Variants in STON2 observed in about 807,000 individuals in gnomAD.
STON2 encodes stonin 2.
STON2 carries 29 observed loss-of-function variants against 65.7 expected under a neutral mutation model. That is an observed-to-expected ratio of 0.44 (90% CI 0.33 to 0.60). STON2 has a LOEUF of 0.60. Ranked by LOEUF, STON2 falls within the 20% of genes least tolerant of loss-of-function variation. The pLI, the probability that STON2 is intolerant of heterozygous loss-of-function variation, is 0.03. For synonymous variants in STON2, 404 were observed against 414.2 expected (o/e 0.98, Z 0.30); for missense variants, 1,054 against 1,118.1 (o/e 0.94, Z 0.82).
intron 2 of STON2, among the ~76,000 whole-genome samples, chr14:81,419,173 C>T (rs1437587274): frequency 6.6e-6 from 1 of 152,100 alleles, no homozygotes; most frequent in Admixed American, 6.5e-5. Flanking sequence ...TGAGTGCTTA[C>T]TCTATACAGT....
At chr14:81,301,427 A>C (rs566242249) in intron 5 of STON2, among the ~76,000 whole-genome samples, 2 of 149,098 alleles carry the variant, frequency 1.3e-5, no homozygotes, top group African/African-American at 5.2e-5. Flanking sequence ...CAGGCAAATA[A>C]ACCAACAACC....
chr14:81,393,073 C>T (rs927092718), intron 3 of STON2, among the ~76,000 whole-genome samples: 1 of 152,138 alleles, frequency 6.6e-6, no homozygotes, highest in Non-Finnish European at 1.5e-5. Flanking sequence ...AAGGGTAAAG[C>T]TTTCACAATA....
At chr14:81,274,973 A>C (rs1894753038) in intron 6 of STON2, among the ~76,000 whole-genome samples, 1 of 152,098 alleles carries the variant, frequency 6.6e-6, no homozygotes, top group Non-Finnish European at 1.5e-5. Context: ...ATTTGTCCTA[A>C]GGCTACATGC....
In STON2 at chr14:81,394,506, T is replaced by C. The variant is rs1379169309; in HGVS notation, c.373+1388A>G. Reference sequence around the variant, plus strand: ...CAGAACCTGTGAATATGTTACTTTATATGGCAAAAGAACTTTACTGATGTG... The same window carrying C: ...CAGAACCTGTGAATATGTTACTTTACATGGCAAAAGAACTTTACTGATGTG... On this transcript the variant is annotated intron_variant, in intron 3 of 7. Transcript: ENST00000614646. Among the ~76,000 whole-genome samples the C allele has an allele frequency of 9.2e-5, 14 of 152,246 alleles. No homozygotes were observed. In the East Asian group the frequency reaches 2.3e-3, roughly 25 times the overall value.
intron 6 of STON2, 142 bp from the exon 7 acceptor site, chr14:81,271,014 G>T (rs1291704731): frequency 1.8e-6 from 2 of 1,108,694 alleles, no homozygotes; most frequent in Admixed American, 3.3e-5. Context: ...TGAGCACGAG[G>T]ATCCGCCCGG....
chr14:81,338,552 T>C (rs2140285309), intron 4 of STON2, among the ~76,000 whole-genome samples: 1 of 152,232 alleles, frequency 6.6e-6, no homozygotes, highest in Middle Eastern at 3.4e-3. Flanking sequence ...CAAATTAAAC[T>C]TAAGGAGGGA....
chr14:81,374,177 A>AT (rs745568584), intron 3 of STON2, among the ~76,000 whole-genome samples: 59 of 143,224 alleles, frequency 4.1e-4, no homozygotes, highest in Middle Eastern at 3.6e-3. Flanking sequence ...TGCCCGGCCG[A>AT]TTTTTTTTTT....
intron 4 of STON2, among the ~76,000 whole-genome samples, chr14:81,363,848 G>A (rs189057472): frequency 2.6e-5 from 4 of 152,180 alleles, no homozygotes; most frequent in East Asian, 1.9e-4. Flanking sequence ...CAAGCACAAC[G>A]GTAATCACTG....
At chr14:81,288,785 C>G (rs1357617555) in intron 5 of STON2, among the ~76,000 whole-genome samples, 1 of 149,996 alleles carries the variant, frequency 6.7e-6, no homozygotes, top group Non-Finnish European at 1.5e-5. Context: ...CTACAGGTAC[C>G]ATAAGGGAGA....
chr14:81,268,165 C>T lies in STON2; in HGVS notation c.*249G>A. 1 of 1,109,908 alleles carries T rather than the reference C, an allele frequency of 9.0e-7. No individual in the cohort carries two copies. Among genetic ancestry groups the T allele is most frequent in the South Asian group, 2.3e-5 (1 of 43,896 alleles). The allele number at this position is 1,109,908 out of a possible 1,614,324, so 68.8% of individuals were successfully genotyped here. On this transcript the variant is annotated 3_prime_UTR_variant, in exon 8 of 8. Transcript: ENST00000614646. ...GGCTTAATTATACAGTAAGCTCCAA[C>T]AGTCAGGTGAACCTCGTGCTTTAGG...
At chr14:81,410,418 T>C (rs879425413) in intron 2 of STON2, among the ~76,000 whole-genome samples, 57 of 152,066 alleles carry the variant, frequency 3.7e-4, no homozygotes, top group Non-Finnish European at 7.9e-4. Flanking sequence ...ATTTTACAGA[T>C]GCAATTAAGG....
intron 3 of STON2, among the ~76,000 whole-genome samples, chr14:81,371,426 T>C (rs9652382): frequency 0.5 from 76,015 of 151,802 alleles, 19,534 homozygotes; most frequent in East Asian, 0.73. Flanking sequence ...CTGGGTGCGG[T>C]GGCTCACGCC....
intron 4 of STON2, among the ~76,000 whole-genome samples, chr14:81,329,942 T>C (rs910789847): frequency 2.6e-5 from 4 of 152,176 alleles, no homozygotes; most frequent in Non-Finnish European, 4.4e-5. Flanking sequence ...TTGGCACTGA[T>C]ATGTTAGGAA....
At chr14:81,369,357 G>A (rs1003402352) in intron 4 of STON2, among the ~76,000 whole-genome samples, 14 of 152,150 alleles carry the variant, frequency 9.2e-5, no homozygotes, top group Admixed American at 9.2e-4. Flanking sequence ...GACTAATAAT[G>A]TCTAGTTCAG....
At chr14:81,336,444 T>C (rs1190054931) in intron 4 of STON2, among the ~76,000 whole-genome samples, 1 of 152,018 alleles carries the variant, frequency 6.6e-6, no homozygotes, top group Non-Finnish European at 1.5e-5. Context: ...TACTCCACCA[T>C]ACCATAACAC....
chr14:81,361,218 A>T (rs1004745014), intron 4 of STON2, among the ~76,000 whole-genome samples: 2 of 152,172 alleles, frequency 1.3e-5, no homozygotes, highest in Non-Finnish European at 2.9e-5. Context: ...CAAAAACAAC[A>T]AAGTTGGAGG....
At chr14:81,387,891 C>CA (rs1226981939) in intron 3 of STON2, among the ~76,000 whole-genome samples, 30 of 117,704 alleles carry the variant, frequency 2.5e-4, no homozygotes, top group South Asian at 1.2e-3. Context: ...GACTCAGTCT[C>CA]AAAAAAAAAA....
chr14:81,420,844 T>C (rs1901669195), intron 2 of STON2, among the ~76,000 whole-genome samples: 1 of 152,190 alleles, frequency 6.6e-6, no homozygotes, highest in Non-Finnish European at 1.5e-5. Flanking sequence ...GCAAAACTGT[T>C]GTTTGCTATC....
intron 4 of STON2, among the ~76,000 whole-genome samples, chr14:81,355,269 G>A (rs1178540398): frequency 6.6e-6 from 1 of 151,980 alleles, no homozygotes; most frequent in Non-Finnish European, 1.5e-5. Flanking sequence ...GAGGAAAGAT[G>A]ACAACATCCA....
Sources: gnomAD v4.1 joint callset for allele counts (sites outside exome capture counted in the v4.1 genomes callset) on GRCh38, gnomAD v4.1.1 for gene constraint, MANE v1.5 for transcripts, NCBI Gene and HGNC (gene_info 2026-07-23, HGNC 2026-07-21) for gene names.